The following NPHP3 variants were observed in gnomAD, a reference collection of about 807,000 sequenced individuals.
NPHP3 encodes the protein nephrocystin-3.
Under a neutral mutation model 171.9 loss-of-function variants are expected in NPHP3, and 123 were observed. The observed-to-expected ratio is 0.72, with a 90% CI of 0.62 to 0.83. NPHP3 has a LOEUF of 0.83. NPHP3 is among the 40% of genes least tolerant of loss of function. The pLI is 0.00. For synonymous variants in NPHP3, 558 were observed against 579.2 expected (o/e 0.96, Z 0.52); for missense variants, 1,506 against 1,591.9 (o/e 0.95, Z 0.92).
intron 9 of NPHP3, 79 bp downstream of exon 9, chr3:132,704,119 T>C (rs1009212782): frequency 4.5e-6 from 6 of 1,341,640 alleles, no homozygotes; most frequent in Admixed American, 1.7e-5. Flanking sequence ...ACCTTAACTA[T>C]ATTTAGATGA....
rs1939469917 is a variant in NPHP3, at chr3:132,696,946, C to T, written c.2089-133G>A. 5 of 780,206 alleles carry T rather than the reference C, an allele frequency of 6.4e-6. No homozygotes were observed. In the East Asian group the frequency reaches 1.3e-4, roughly 20 times the overall value. 48.3% of individuals were successfully genotyped at this position (780,206 alleles called of 1,614,324 possible). ...ATTGCTGCCATCCGTGACATCACAA[C>T]ATGCAGTGGTGGCTCCTCGGCTGTG... On this transcript the variant is annotated intron_variant, in intron 14 of 26. Coordinates refer to ENST00000337331, the MANE Select transcript of NPHP3 (RefSeq NM_153240.5).
rs886058000 is a variant in NPHP3, at chr3:132,681,258, C to CTTTTTT, written c.*646_*651dup. Reference sequence around the variant, plus strand: ...GAGAGCTCAAAAGAATCATGGAATTCTTTTTTTTTTTTTTTTTTTTTTTGA... The same window carrying CTTTTTT: ...GAGAGCTCAAAAGAATCATGGAATTCTTTTTTTTTTTTTTTTTTTTTTTTTTTTTGA... On this transcript the variant is annotated 3_prime_UTR_variant, in exon 27 of 27. Coordinates refer to ENST00000337331, the MANE Select transcript of NPHP3 (RefSeq NM_153240.5). 1.9e-5 allele frequency: 2 copies of CTTTTTT among 105,658 alleles called. No individual in the cohort carries two copies. Among genetic ancestry groups the CTTTTTT allele is most frequent in the Non-Finnish European group, 3.8e-5 (2 of 52,874 alleles). The allele number at this position is 105,658 out of a possible 1,614,324, so 6.5% of individuals were successfully genotyped here.
At chr3:132,694,758 T>C in intron 16 of NPHP3, 69 bp downstream of exon 16, 1 of 1,557,446 alleles carries the variant, frequency 6.4e-7, no homozygotes, top group Non-Finnish European at 8.8e-7. Flanking sequence ...AAAAGAATTG[T>C]TATTTATTTC....
In NPHP3 at chr3:132,692,642, A is replaced by C. The variant is rs753498230; in HGVS notation, c.2475+12T>G. 2 of 1,612,648 alleles carry C rather than the reference A, an allele frequency of 1.2e-6. No individual in the cohort carries two copies. The highest frequency in any genetic ancestry group is 1.7e-6 in the Non-Finnish European group (2 of 1,178,796). ...AAATAAATAAATAAAAAGATGCCTA[A>C]AATAACATTACCTGCAGATGTTGAA... On this transcript the variant is annotated intron_variant, in intron 17 of 26. Coordinates refer to ENST00000337331, the MANE Select transcript of NPHP3 (RefSeq NM_153240.5).
rs988027514 is a variant in NPHP3, at chr3:132,722,368, C to T, written c.-13G>A. The stretch of plus-strand genomic sequence containing the variant: ...AGGCGGTCCCCATGGCGTCCGTTGC[C>T]GCTACTACCTAGTGAGTACCAGCAG... On this transcript the variant is annotated 5_prime_UTR_variant, in exon 1 of 27. Coordinates refer to ENST00000337331, the MANE Select transcript of NPHP3 (RefSeq NM_153240.5). 3 of 1,575,386 alleles carry T rather than the reference C, an allele frequency of 1.9e-6. No individual in the cohort carries two copies. Among genetic ancestry groups the T allele is most frequent in the Admixed American group, 1.7e-5 (1 of 57,742 alleles).
intron 15 of NPHP3, among the ~76,000 whole-genome samples, chr3:132,695,610 T>C (rs12636390): frequency 0.4 from 60,856 of 152,044 alleles, 14,668 homozygotes; most frequent in East Asian, 0.76. Flanking sequence ...GATGTGTTGC[T>C]ACAACTAACA....
chr3:132,702,958 G>A (rs1352065098), intron 9 of NPHP3, among the ~76,000 whole-genome samples: 1 of 152,130 alleles, frequency 6.6e-6, no homozygotes, highest in Non-Finnish European at 1.5e-5. Context: ...AAAAGAACGA[G>A]GTTCAACTCC....
chr3:132,693,088 A>G, intron 16 of NPHP3: 1 of 360,330 alleles, frequency 2.8e-6, no homozygotes, highest in Non-Finnish European at 5.0e-6. Flanking sequence ...CATAAAATGT[A>G]TTATTATAAT....
At position 132,694,886 on chromosome 3, in the gene NPHP3, C is replaced by G. The variant is rs1295392066; in HGVS notation, c.2251G>C (p.Val751Leu). The change falls in exon 16 of 27, where the codon GTT (valine) becomes CTT (leucine). Residue 751 changes from valine to leucine, a missense_variant. Around this residue, in one of 3 missense-constraint regions of NPHP3, gnomAD observed 930 missense variants for 924.9 expected, o/e 1.01. Transcript: ENST00000337331. ...ATGGACTCCCGGATAGAGTGCAGAACAAGTCTATATAATGAAAGAGTATCT... is the reference window on the plus strand; with the variant it reads ...ATGGACTCCCGGATAGAGTGCAGAAGAAGTCTATATAATGAAAGAGTATCT... ...CQDTLSLYRL[V>L]LHSIRESMAN... 2 of 1,613,542 alleles carry G rather than the reference C, an allele frequency of 1.2e-6. No individual in the cohort carries two copies. The highest frequency in any genetic ancestry group is 1.7e-5 in the Admixed American group (1 of 60,000).
At position 132,700,038 on chromosome 3, in the gene NPHP3, G is replaced by A; in HGVS notation, c.1767C>T (p.Val589=). The A allele has an allele frequency of 6.2e-7, 1 of 1,614,126 alleles. No homozygotes were observed. Residue 589 remains valine (V), a synonymous_variant, in exon 12 of 27, where the codon GTC becomes GTT. Coordinates refer to ENST00000337331, the MANE Select transcript of NPHP3 (RefSeq NM_153240.5). ...TLKLMQHSWS[V]SALTLDPAKL... is the part of the protein sequence containing the mutation. ...TAGCAGGATCCAGTGTCAGAGCAGA[G>A]ACTGACCAAGAGTGCTGCATCAACT...
chr3:132,713,161 A>G lies in NPHP3; in HGVS notation c.1083T>C (p.Ser361=), dbSNP rs781244729. The change falls in exon 6 of 27, where the codon TCT becomes TCC. Residue 361 remains serine, a synonymous_variant. Transcript: ENST00000337331. Reference sequence around the variant, plus strand: ...TTAAGTGAATAAATAAAATAACTAAAGAACTTTTCTCAATTTCCCATTTTC... The same window carrying G: ...TTAAGTGAATAAATAAAATAACTAAGGAACTTTTCTCAATTTCCCATTTTC... ...TVRKWEIEKS[S]LVILFIHLTL... 5.0e-5 allele frequency: 75 copies of G among 1,503,020 alleles called. No homozygotes were observed. The Admixed American group carries it at 1.4e-3, about 27-fold the overall frequency. The allele number at this position is 1,503,020 out of a possible 1,614,324, so 93.1% of individuals were successfully genotyped here.
At chr3:132,703,729 A>G (rs1410716988) in intron 9 of NPHP3, among the ~76,000 whole-genome samples, 1 of 151,808 alleles carries the variant, frequency 6.6e-6, no homozygotes, top group Non-Finnish European at 1.5e-5. Context: ...ACAGGTGCAT[A>G]CCACCATGCC....
intron 11 of NPHP3, 66 bp from the exon 12 acceptor site, chr3:132,700,127 G>A (rs1939567269): frequency 6.4e-7 from 1 of 1,556,734 alleles, no homozygotes; most frequent in African/African-American, 1.4e-5. Context: ...TTACAGAGCT[G>A]GGGGAAATAT....
intron 8 of NPHP3, 120 bp from the exon 9 acceptor site, chr3:132,704,491 C>G: frequency 1.2e-6 from 1 of 861,988 alleles, no homozygotes; most frequent in South Asian, 1.3e-5. Context: ...AACATACAGC[C>G]TTTGTATAAT....
At chr3:132,705,273 A>C (rs111495956) in intron 8 of NPHP3, among the ~76,000 whole-genome samples, 180 of 152,328 alleles carry the variant, frequency 1.2e-3, no homozygotes, top group African/African-American at 4.0e-3. Context: ...ATAGCACATG[A>C]AACTTCATAG....
At position 132,681,939 on chromosome 3, in the gene NPHP3, TAGG is replaced by T. The variant is rs1338192454; in HGVS notation, c.3961_3963del (p.Pro1321del). ...CTTTGTCCTTGCTGAAGGAAAACAT[TAGG>T]AGAATGAGCTGTTTTTAAGCTAAAC... On this transcript the variant is annotated inframe_deletion, in exon 27 of 27. Coordinates refer to ENST00000337331, the MANE Select transcript of NPHP3 (RefSeq NM_153240.5). 3.1e-6 allele frequency: 5 copies of T among 1,613,856 alleles called. No homozygotes were observed. In the African/African-American group the frequency reaches 4.0e-5, roughly 13 times the overall value.
intron 17 of NPHP3, among the ~76,000 whole-genome samples, chr3:132,691,572 A>G (rs966492391): frequency 6.6e-6 from 1 of 152,200 alleles, no homozygotes; most frequent in Non-Finnish European, 1.5e-5. Flanking sequence ...AAAAGAATAA[A>G]TTATATTCAA....
At chr3:132,716,195 T>C (rs1223081710) in intron 4 of NPHP3, among the ~76,000 whole-genome samples, 1 of 152,224 alleles carries the variant, frequency 6.6e-6, no homozygotes, top group Non-Finnish European at 1.5e-5. Context: ...TAATCTCTAG[T>C]TATTTACAAT....
chr3:132,697,520 A>G (rs1368632234), intron 13 of NPHP3, among the ~76,000 whole-genome samples, 158 bp from the exon 14 acceptor site: 1 of 119,916 alleles, frequency 8.3e-6, no homozygotes, highest in East Asian at 4.7e-4. Context: ...AGTAATTAAT[A>G]TATCTTATTC....
Sources: gnomAD v4.1 joint callset for allele counts (sites outside exome capture counted in the v4.1 genomes callset) on GRCh38, gnomAD v4.1.1 for gene constraint, gnomAD v4.1.1 regional missense constraint, MANE v1.5 for transcripts, NCBI Gene and HGNC (gene_info 2026-07-23, HGNC 2026-07-21) for gene names.